The following SNX21 variants were observed in gnomAD, a reference collection of about 807,000 sequenced individuals.
SNX21 encodes the protein sorting nexin-21.
SNX21 carries 36 observed loss-of-function variants against 30.9 expected under a neutral mutation model. The ratio of observed to expected loss-of-function variants is 1.16; its 90% CI spans 0.89 to 1.54. The LOEUF (loss-of-function observed/expected upper bound fraction) is 1.54, where lower values mean the gene tolerates loss of function less well. Ranked by LOEUF, SNX21 falls within the 40% of genes most tolerant of loss-of-function variation. SNX21 has a pLI of 0.00. For synonymous variants in SNX21, 218 were observed against 222.7 expected (o/e 0.98, Z 0.19); for missense variants, 508 against 516.5 (o/e 0.98, Z 0.16).
rs769520033 is a variant in SNX21, at chr20:45,842,029, A to G, written c.*716A>G. On this transcript the variant is annotated 3_prime_UTR_variant, in exon 4 of 4. Transcript: ENST00000491381. ...ATACACTTTTTTTTTTTTTCCTGAA[A>G]CAGAGTCTCACTAAGTTGCCAGGCT... 4.5e-6 allele frequency: 7 copies of G among 1,568,678 alleles called. No homozygotes were observed. In the South Asian group the frequency reaches 8.1e-5, roughly 18 times the overall value.
chr20:45,840,073 G>A, intron 3 of SNX21: 6 of 882,840 alleles, frequency 6.8e-6, no homozygotes, highest in Non-Finnish European at 8.1e-6. Flanking sequence ...GACCCAGAGG[G>A]GGACTCCCTT....
intron 1 of SNX21, 101 bp from the exon 2 acceptor site, chr20:45,834,100 C>T: frequency 7.1e-7 from 1 of 1,405,416 alleles, no homozygotes. Flanking sequence ...CCTCACCGCG[C>T]CCCTCCCTCT....
intron 3 of SNX21, among the ~76,000 whole-genome samples, chr20:45,837,016 C>T (rs1357740221): frequency 6.6e-6 from 1 of 152,176 alleles, no homozygotes; most frequent in African/African-American, 2.4e-5. Context: ...GAGCCTGCTT[C>T]CTCAGCTGTC....
chr20:45,843,132 GAA>G lies in SNX21; in HGVS notation c.*1822_*1823del. On this transcript the variant is annotated 3_prime_UTR_variant, in exon 4 of 4. Coordinates refer to ENST00000491381, the MANE Select transcript of SNX21 (RefSeq NM_033421.4). ...TGAGGGTGGAATCAGAATCTATTTT[GAA>G]AAGGCATCCCCAAATGGCAGTCTGA... 1.1e-6 allele frequency: 1 copy of G among 909,790 alleles called. No individual in the cohort carries two copies. The highest frequency in any genetic ancestry group is 1.5e-6 in the Non-Finnish European group (1 of 689,624). 56.4% of individuals were successfully genotyped at this position (909,790 alleles called of 1,614,324 possible).
chr20:45,838,326 T>TC (rs1202857089), intron 3 of SNX21: 1 of 152,180 alleles, frequency 6.6e-6, no homozygotes, highest in East Asian at 2.0e-4. Context: ...TAAGCTGTTC[T>TC]CCTGCCTCAG....
chr20:45,836,408 G>A (rs113833936), intron 3 of SNX21, among the ~76,000 whole-genome samples: 13,153 of 142,674 alleles, frequency 0.092, 585 homozygotes, highest in Middle Eastern at 0.14. Context: ...GGAGAATGGC[G>A]TGAACCCAGG....
At chr20:45,836,295 T>C (rs1601067893) in intron 3 of SNX21, among the ~76,000 whole-genome samples, 1 of 151,842 alleles carries the variant, frequency 6.6e-6, no homozygotes, top group Non-Finnish European at 1.5e-5. Flanking sequence ...CACGAGACCA[T>C]CCTGGATAAC....
rs201863890 is a variant in SNX21, at chr20:45,834,485, G to C, written c.289+17G>C. ...AAGACGCAGGCGAGTGCAGGAGGAC[G>C]GAGGCGGGAACCCTGGGGCTCGATT... On this transcript the variant is annotated intron_variant, in intron 2 of 3. Transcript: ENST00000491381. 6.4e-5 allele frequency: 101 copies of C among 1,586,646 alleles called. No individual in the cohort carries two copies. In the African/African-American group the frequency reaches 9.1e-4, roughly 14 times the overall value.
At chr20:45,834,044 G>A in intron 1 of SNX21, 104 bp downstream of exon 1, 1 of 1,415,280 alleles carries the variant, frequency 7.1e-7, no homozygotes, top group Non-Finnish European at 9.3e-7. Context: ...AGCGATGCTG[G>A]CTGGGTCCCC....
chr20:45,841,689 G>C lies in SNX21; in HGVS notation c.*376G>C. The C allele has an allele frequency of 7.0e-7, 1 of 1,428,850 alleles. No homozygotes were observed. The highest frequency in any genetic ancestry group is 9.1e-7 in the Non-Finnish European group (1 of 1,097,536). The allele number at this position is 1,428,850 out of a possible 1,614,324, so 88.5% of individuals were successfully genotyped here. A position where few individuals can be genotyped will look rare whatever the true frequency, so the allele number is the denominator to read the frequency against. The stretch of plus-strand genomic sequence containing the variant: ...GTTAAGGGATGAAGGCAAGGCTGCA[G>C]GTCTGGCCCAGGGGAATTAAAAGCC... On this transcript the variant is annotated 3_prime_UTR_variant, in exon 4 of 4. Transcript: ENST00000491381.
At chr20:45,839,463 C>T (rs927168332) in intron 3 of SNX21, among the ~76,000 whole-genome samples, 90 of 152,018 alleles carry the variant, frequency 5.9e-4, no homozygotes, top group Middle Eastern at 3.4e-3. Flanking sequence ...TTGCAGTGAG[C>T]CGAGATCGTG....
Position 45,842,379 on chromosome 20 carries a change from C to A in SNX21, c.*1066C>A. ...CTGAGAACAGTCTCCTTCAACAGCT[C>A]GGCCAAGCAGAACTGCTGTACCTCT... is the stretch of plus-strand genomic sequence containing the variant. On this transcript the variant is annotated 3_prime_UTR_variant, in exon 4 of 4. Coordinates refer to ENST00000491381, the MANE Select transcript of SNX21 (RefSeq NM_033421.4). The A allele has an allele frequency of 7.8e-7, 1 of 1,281,156 alleles. No individual in the cohort carries two copies. The highest frequency in any genetic ancestry group is 2.1e-5 in the South Asian group (1 of 48,324). 79.4% of individuals were successfully genotyped at this position (1,281,156 alleles called of 1,614,324 possible).
At chr20:45,838,173 C>T (rs1299085833) in intron 3 of SNX21, 6 of 152,024 alleles carry the variant, frequency 3.9e-5, no homozygotes, top group Admixed American at 2.0e-4. Context: ...GCCTTGAACT[C>T]GTGGGCTCAC....
chr20:45,836,789 GATGACAAGATAGAGCAGGATGGCCAAGT>G (rs1194954803), intron 3 of SNX21, among the ~76,000 whole-genome samples: 1 of 152,308 alleles, frequency 6.6e-6, no homozygotes, highest in East Asian at 1.9e-4. Context: ...GATGGGAAGG[GATGACAAGATAGAGCAGGATGGCCAAGT>G]ATGCCCCGGC....
rs1489423627 is a variant in SNX21, at chr20:45,834,947, ATG to A, written c.290-8_290-7del. On this transcript the variant is annotated splice_polypyrimidine_tract_variant and intron_variant, in intron 2 of 3. Coordinates refer to ENST00000491381, the MANE Select transcript of SNX21 (RefSeq NM_033421.4). ...CCTAGGCCCATTGATATGACTGGTC[ATG>A]TGTCTGCAGAACGGAGCCCCCCACC... The A allele has an allele frequency of 3.7e-6, 6 of 1,611,836 alleles. 1 individual carries two copies. In the South Asian group the frequency reaches 6.6e-5, roughly 18 times the overall value.
At position 45,841,551 on chromosome 20, in the gene SNX21, A is replaced by C. The variant is rs1984126349; in HGVS notation, c.*238A>C. ...GTCTGACACAGCCTCTCCAGCCTAT[A>C]AACAGCCGGGGGGCTGTGGCACAGG... On this transcript the variant is annotated 3_prime_UTR_variant, in exon 4 of 4. Coordinates refer to ENST00000491381, the MANE Select transcript of SNX21 (RefSeq NM_033421.4). 1 of 1,388,680 alleles carries C rather than the reference A, an allele frequency of 7.2e-7. No individual in the cohort carries two copies. Among genetic ancestry groups the C allele is most frequent in the African/African-American group, 1.5e-5 (1 of 68,610 alleles). 86.0% of individuals were successfully genotyped at this position (1,388,680 alleles called of 1,614,324 possible). A position where few individuals can be genotyped will look rare whatever the true frequency, so the allele number is the denominator to read the frequency against.
In SNX21 at chr20:45,840,651, G is replaced by A. The variant is rs4638862; in HGVS notation, c.460G>A (p.Ala154Thr). 830,046 of 1,613,888 alleles carry A rather than the reference G, an allele frequency of 0.51. 222,125 individuals are homozygous for A. Among genetic ancestry groups the A allele is most frequent in the Non-Finnish European group, 0.55 (653,352 of 1,179,950 alleles). ...PPSKYVLYTLAVIGPGPPDCQ... is the reference protein window; with the variant it reads ...PPSKYVLYTLTVIGPGPPDCQ... ...ACCCTCCCTGCAGCTCTACACCCTC[G>A]CCGTGATCGGCCCAGGACCGCCAGA... is the stretch of plus-strand genomic sequence containing the variant. The change falls in exon 4 of 4, where the codon GCC (alanine) becomes ACC (threonine). Residue 154 changes from alanine (A) to threonine (T), a missense_variant. By Grantham distance (58) the Ala-to-Thr change is moderately conservative. Coordinates refer to ENST00000491381, the MANE Select transcript of SNX21 (RefSeq NM_033421.4).
intron 3 of SNX21, among the ~76,000 whole-genome samples, chr20:45,838,554 G>C (rs1200138567): frequency 6.6e-6 from 1 of 151,242 alleles, no homozygotes; most frequent in Non-Finnish European, 1.5e-5. Context: ...AGGAGTTCAA[G>C]ACCAGCCTGG....
At chr20:45,835,375 C>T (rs188035871) in intron 3 of SNX21, among the ~76,000 whole-genome samples, 140 of 152,322 alleles carry the variant, frequency 9.2e-4, no homozygotes, top group African/African-American at 3.2e-3. Context: ...GGTGTGTGCA[C>T]TTCCCCACCC....
Sources: gnomAD v4.1 joint callset for allele counts (sites outside exome capture counted in the v4.1 genomes callset) on GRCh38, gnomAD v4.1.1 for gene constraint, MANE v1.5 for transcripts, NCBI Gene and HGNC (gene_info 2026-07-23, HGNC 2026-07-21) for gene names.